Variants in RABEP2 observed in about 807,000 individuals in gnomAD.
RABEP2 encodes the protein rabaptin, RAB GTPase binding effector protein 2.
RABEP2 carries 57 observed loss-of-function variants against 74.1 expected under a neutral mutation model. That is an observed-to-expected ratio of 0.77 (90% CI 0.62 to 0.96). The LOEUF (loss-of-function observed/expected upper bound fraction) is 0.96, where lower values mean the gene tolerates loss of function less well. Ranked by LOEUF, RABEP2 falls within the 40% of genes least tolerant of loss-of-function variation. The probability of loss-of-function intolerance (pLI) is 0.00; values close to 1 mark genes in which losing one functional copy is unlikely to be tolerated. For missense variants in RABEP2, 692 were observed against 756.3 expected, an observed-to-expected ratio of 0.91 and a Z score of 1.00; for synonymous variants, 351 against 344.0, an observed-to-expected ratio of 1.02 and a Z score of -0.23.
intron 8 of RABEP2, among the ~76,000 whole-genome samples, chr16:28,908,090 G>A (rs1399079311): frequency 6.6e-6 from 1 of 152,132 alleles, no homozygotes; most frequent in African/African-American, 2.4e-5. Context: ...GTGAGCCACC[G>A]CGCCTAGCCC....
intron 9 of RABEP2, 57 bp from the exon 10 acceptor site, chr16:28,905,935 G>C: frequency 6.2e-7 from 1 of 1,613,060 alleles, no homozygotes; most frequent in South Asian, 1.1e-5. Flanking sequence ...CCCCGCTGCT[G>C]CCCACGCCTG....
chr16:28,908,794 G>T (rs1422829133), intron 7 of RABEP2, 30 bp from the exon 8 acceptor site: 2 of 1,607,820 alleles, frequency 1.2e-6, no homozygotes, highest in Non-Finnish European at 8.5e-7. Flanking sequence ...ATAAGGCAAT[G>T]AAGAGGACAG....
At position 28,914,360 on chromosome 16, in the gene RABEP2, C is replaced by T. The variant is rs1218267368; in HGVS notation, c.770G>A (p.Ser257Asn). Reference protein sequence around the residue: ...SSLPQSRQGLSPEQEETASLV... With the variant: ...SSLPQSRQGLNPEQEETASLV... ...CGAGGCCGTCTCTTCCTGTTCAGGG[C>T]TCAGGCCCTGGCGGCTTTGGGGCAG... The change falls in exon 5 of 13, where the codon AGC becomes AAC. Residue 257 changes from serine to asparagine, a missense_variant. Ser to Asn is a conservative substitution (Grantham distance 46, BLOSUM62 1). Coordinates refer to ENST00000358201, the MANE Select transcript of RABEP2 (RefSeq NM_024816.3). 1 of 1,613,504 alleles carries T rather than the reference C, an allele frequency of 6.2e-7. No homozygotes were observed. Among genetic ancestry groups the T allele is most frequent in the Non-Finnish European group, 8.5e-7 (1 of 1,180,022 alleles).
chr16:28,908,712 T>C lies in RABEP2; in HGVS notation c.1142A>G (p.Asn381Ser). 6.2e-7 allele frequency: 1 copy of C among 1,614,214 alleles called. No individual in the cohort carries two copies. The highest frequency in any genetic ancestry group is 8.5e-7 in the Non-Finnish European group (1 of 1,180,026). The change falls in exon 8 of 13, where the codon AAT (asparagine) becomes AGT (serine). Residue 381 changes from asparagine to serine, a missense_variant. Transcript: ENST00000358201. ...GGCCCGGAGCCCTTGGTTTTCCTCA[T>C]TCAACCGCTTTACCTCATGGTGCAG... Reference protein sequence around the residue: ...KCLHHEVKRLNEENQGLRAEQ... With the variant: ...KCLHHEVKRLSEENQGLRAEQ...
At chr16:28,920,859 A>G (rs1354364251) in intron 2 of RABEP2, among the ~76,000 whole-genome samples, 1 of 122,340 alleles carries the variant, frequency 8.2e-6, no homozygotes, top group East Asian at 2.5e-4. Flanking sequence ...ACCCCACCAC[A>G]GGCCTCTGTT....
At chr16:28,923,467 C>T (rs996549308) in intron 2 of RABEP2, among the ~76,000 whole-genome samples, 1 of 151,644 alleles carries the variant, frequency 6.6e-6, no homozygotes. Context: ...ATTTAGGACA[C>T]ACCTGGCTTT....
intron 1 of RABEP2, chr16:28,924,892 G>A: frequency 1.3e-6 from 1 of 770,820 alleles, no homozygotes; most frequent in East Asian, 2.7e-5. Context: ...TTCCTCACCG[G>A]GCCCCACTTC....
Position 28,906,103 on chromosome 16 carries a change from C to G in RABEP2, c.1339G>C (p.Val447Leu), listed in dbSNP as rs1400171569. Reference sequence around the variant, plus strand: ...TCCTCCAGAGCCTCCCGCAGCGTCACGATCTCGATCCGCAGGCGCTCGGCC... The same window carrying G: ...TCCTCCAGAGCCTCCCGCAGCGTCAGGATCTCGATCCGCAGGCGCTCGGCC... ...HGAERLRIEI[V>L]TLREALEEET... The change falls in exon 9 of 13, where the codon GTG becomes CTG. Residue 447 changes from valine (V) to leucine (L), a missense_variant. Val to Leu is a conservative substitution (Grantham distance 32). Coordinates refer to ENST00000358201, the MANE Select transcript of RABEP2 (RefSeq NM_024816.3). 1 of 1,596,240 alleles carries G rather than the reference C, an allele frequency of 6.3e-7. No individual in the cohort carries two copies. The highest frequency in any genetic ancestry group is 8.5e-7 in the Non-Finnish European group (1 of 1,172,520).
chr16:28,907,195 CTG>C, intron 8 of RABEP2, among the ~76,000 whole-genome samples: 1 of 136,728 alleles, frequency 7.3e-6, no homozygotes, highest in African/African-American at 2.8e-5. Flanking sequence ...GGGTCTCACT[CTG>C]TGGCCCAGGA....
Position 28,924,431 on chromosome 16 carries a change from C to T in RABEP2, c.246G>A (p.Glu82=), listed in dbSNP as rs774353805. The part of the protein sequence containing the change: ...VAAVQRQCQE[E]VASLQAILKD... ...TCAGGATGGCCTGCAGCGAGGCCACCTCCTCTTGGCACTGCCGCTGCACCG... is the reference window on the plus strand; with the variant it reads ...TCAGGATGGCCTGCAGCGAGGCCACTTCCTCTTGGCACTGCCGCTGCACCG... Residue 82 remains glutamate (E), a synonymous_variant, in exon 2 of 13, where the codon GAG becomes GAA. Transcript: ENST00000358201. The T allele has an allele frequency of 7.4e-6, 12 of 1,613,380 alleles. No individual in the cohort carries two copies. The highest frequency in any genetic ancestry group is 7.6e-6 in the Non-Finnish European group (9 of 1,180,020).
chr16:28,916,857 G>A (rs1301572082), intron 3 of RABEP2, among the ~76,000 whole-genome samples: 4 of 151,206 alleles, frequency 2.6e-5, no homozygotes, highest in Admixed American at 6.6e-5. Flanking sequence ...GGTGGTGCGC[G>A]CCTGTAATCC....
chr16:28,913,465 A>T (rs1964340915), intron 5 of RABEP2, among the ~76,000 whole-genome samples: 1 of 151,838 alleles, frequency 6.6e-6, no homozygotes, highest in Non-Finnish European at 1.5e-5. Flanking sequence ...TATACAATTC[A>T]TTTTTTGTAT....
chr16:28,911,183 CCA>C lies in RABEP2; in HGVS notation c.895-6_895-5del, dbSNP rs1964308477. Reference sequence around the variant, plus strand: ...GGTCCTTCTGCAGCTGTCGGCCCTGCCACAGACCCTGCCTTCAGCCTGCATCT... The same window carrying C: ...GGTCCTTCTGCAGCTGTCGGCCCTGCCAGACCCTGCCTTCAGCCTGCATCT... On this transcript the variant is annotated splice_polypyrimidine_tract_variant and splice_region_variant and intron_variant, in intron 5 of 12. Coordinates refer to ENST00000358201, the MANE Select transcript of RABEP2 (RefSeq NM_024816.3). The C allele has an allele frequency of 6.2e-7, 1 of 1,608,064 alleles. No individual in the cohort carries two copies. Among genetic ancestry groups the C allele is most frequent in the Non-Finnish European group, 8.5e-7 (1 of 1,179,728 alleles).
chr16:28,922,923 G>A (rs1964485417), intron 2 of RABEP2, among the ~76,000 whole-genome samples: 1 of 152,034 alleles, frequency 6.6e-6, no homozygotes, highest in South Asian at 2.1e-4. Flanking sequence ...CAGCTGTTAG[G>A]CTGCTTGGTT....
At chr16:28,923,400 GAC>G (rs1315299228) in intron 2 of RABEP2, among the ~76,000 whole-genome samples, 1 of 151,114 alleles carries the variant, frequency 6.6e-6, no homozygotes, top group African/African-American at 2.4e-5. Context: ...CAGCTTGGGC[GAC>G]AGAGTGAAAC....
intron 3 of RABEP2, 27 bp downstream of exon 3, chr16:28,919,759 C>T (rs1371107739): frequency 1.3e-6 from 2 of 1,586,132 alleles, no homozygotes; most frequent in African/African-American, 2.7e-5. Flanking sequence ...AATCCCAGGG[C>T]AGCAGGGAAG....
At chr16:28,920,988 C>T (rs1369679883) in intron 2 of RABEP2, 12 of 342,134 alleles carry the variant, frequency 3.5e-5, no homozygotes, top group East Asian at 1.6e-4. Flanking sequence ...CTCAGTGCCC[C>T]GAGTAGCTGG....
At position 28,914,797 on chromosome 16, in the gene RABEP2, G is replaced by A; in HGVS notation, c.433-15C>T. Reference sequence around the variant, plus strand: ...TCCTCGTGGGCCTGGAGGGAGCGGGGTGTGGCAGCAATAGTTCCCCCTCCA... The same window carrying A: ...TCCTCGTGGGCCTGGAGGGAGCGGGATGTGGCAGCAATAGTTCCCCCTCCA... On this transcript the variant is annotated splice_polypyrimidine_tract_variant and intron_variant, in intron 3 of 12. Coordinates refer to ENST00000358201, the MANE Select transcript of RABEP2 (RefSeq NM_024816.3). 6 of 1,611,152 alleles carry A rather than the reference G, an allele frequency of 3.7e-6. No individual in the cohort carries two copies. Among genetic ancestry groups the A allele is most frequent in the Non-Finnish European group, 5.1e-6 (6 of 1,177,714 alleles).
chr16:28,911,727 G>T (rs973387516), intron 5 of RABEP2, among the ~76,000 whole-genome samples: 1 of 151,668 alleles, frequency 6.6e-6, no homozygotes, highest in African/African-American at 2.4e-5. Context: ...GGAGGCTGAG[G>T]TGGGTGGTCA....
Sources: allele counts gnomAD v4.1 joint callset (sites outside exome capture counted in the v4.1 genomes callset), GRCh38; gene constraint gnomAD v4.1.1; transcripts MANE v1.5; gene names NCBI Gene and HGNC (gene_info 2026-07-23, HGNC 2026-07-21).